Variants in OSBPL10 observed in about 807,000 individuals in gnomAD.
OSBPL10 encodes the protein oxysterol binding protein like 10.
A neutral mutation model predicts 81.7 loss-of-function variants in OSBPL10; 49 were observed. That is an observed-to-expected ratio of 0.60 (90% CI 0.48 to 0.76). The LOEUF (loss-of-function observed/expected upper bound fraction) is 0.76, where lower values mean the gene tolerates loss of function less well. OSBPL10 is among the 30% of genes least tolerant of loss of function. The probability of loss-of-function intolerance (pLI) is 0.00; values close to 1 mark genes in which losing one functional copy is unlikely to be tolerated. For synonymous variants in OSBPL10, 419 were observed against 383.6 expected (o/e 1.09, Z -1.08); for missense variants, 923 against 987.8 (o/e 0.93, Z 0.88).
chr3:31,763,619 G>C (rs1698122329), intron 4 of OSBPL10, among the ~76,000 whole-genome samples: 1 of 152,150 alleles, frequency 6.6e-6, no homozygotes. Context: ...GTAAACACCT[G>C]CCATTCCCTT....
chr3:31,857,880 G>T (rs553386291), intron 3 of OSBPL10, among the ~76,000 whole-genome samples: 14 of 135,826 alleles, frequency 1.0e-4, no homozygotes, highest in South Asian at 8.0e-4. Context: ...GAGGGAAAGG[G>T]GGGGAGAGAG....
chr3:31,792,619 G>A (rs1366534141), intron 4 of OSBPL10, among the ~76,000 whole-genome samples: 1 of 151,664 alleles, frequency 6.6e-6, no homozygotes, highest in Non-Finnish European at 1.5e-5. Context: ...GCTGGGGTGT[G>A]TATGTTTTAC....
chr3:31,917,459 C>T (rs1278617703), intron 1 of OSBPL10, among the ~76,000 whole-genome samples: 1 of 151,954 alleles, frequency 6.6e-6, no homozygotes, highest in African/African-American at 2.4e-5. Flanking sequence ...TGGCTGCAGA[C>T]AAGTGCAACC....
At chr3:31,947,065 C>T (rs1434784243) in intron 1 of OSBPL10, among the ~76,000 whole-genome samples, 6 of 152,106 alleles carry the variant, frequency 3.9e-5, no homozygotes, top group African/African-American at 1.4e-4. Context: ...GCAGCTATGC[C>T]TCAGTGGCTG....
chr3:31,956,484 C>T (rs770181385), intron 1 of OSBPL10, among the ~76,000 whole-genome samples: 21 of 152,220 alleles, frequency 1.4e-4, no homozygotes, highest in African/African-American at 4.3e-4. Context: ...TTTGGGAGGC[C>T]GAGGCAGCTG....
chr3:31,893,098 A>C (rs1454781507), intron 1 of OSBPL10, among the ~76,000 whole-genome samples: 1 of 152,160 alleles, frequency 6.6e-6, no homozygotes, highest in African/African-American at 2.4e-5. Context: ...CCCTCCTAAC[A>C]AGCAGATAGA....
intron 4 of OSBPL10, among the ~76,000 whole-genome samples, chr3:31,767,017 T>C (rs767284937): frequency 5.3e-5 from 8 of 152,150 alleles, no homozygotes; most frequent in Non-Finnish European, 1.2e-4. Flanking sequence ...CAATCCACAG[T>C]CCTCTCTAAG....
intron 1 of OSBPL10, among the ~76,000 whole-genome samples, chr3:31,910,517 T>C (rs1357945854): frequency 6.6e-6 from 1 of 151,890 alleles, no homozygotes; most frequent in African/African-American, 2.4e-5. Flanking sequence ...GCGCCTGTAA[T>C]CCCAGCTACT....
At chr3:31,899,310 A>G (rs993408903) in intron 1 of OSBPL10, among the ~76,000 whole-genome samples, 18 of 152,196 alleles carry the variant, frequency 1.2e-4, no homozygotes, top group African/African-American at 4.3e-4. Context: ...AATATAGTGC[A>G]TAAATTCCAA....
intron 4 of OSBPL10, among the ~76,000 whole-genome samples, chr3:31,777,272 T>C (rs1358814398): frequency 6.6e-6 from 1 of 152,212 alleles, no homozygotes; most frequent in Non-Finnish European, 1.5e-5. Context: ...CTTAACCTTA[T>C]TTTCTAATTT....
chr3:32,038,893 G>A (rs114528302), intron 2 of OSBPL10, among the ~76,000 whole-genome samples: 280 of 151,974 alleles, frequency 1.8e-3, no homozygotes, highest in South Asian at 5.2e-3. Flanking sequence ...TAAAATAAAC[G>A]GACAAAATAC....
At chr3:31,989,587 C>T in intron 2 of OSBPL10, 1 of 1,614,208 alleles carries the variant, frequency 6.2e-7, no homozygotes, top group South Asian at 1.1e-5. Flanking sequence ...CCACATATTT[C>T]AGACCAAAGG....
At chr3:31,804,084 T>G (rs1247922261) in intron 4 of OSBPL10, among the ~76,000 whole-genome samples, 2 of 152,248 alleles carry the variant, frequency 1.3e-5, no homozygotes, top group African/African-American at 4.8e-5. Flanking sequence ...GGTTCTGACC[T>G]GCAACAATCA....
In OSBPL10 at chr3:31,989,210, C is replaced by A. The variant is rs373931545; in HGVS notation, n.298+57281G>T. 9 of 1,614,004 alleles carry A rather than the reference C, an allele frequency of 5.6e-6. No individual in the cohort carries two copies. Among genetic ancestry groups the A allele is most frequent in the Middle Eastern group, 1.6e-4 (1 of 6,084 alleles). On this transcript the variant is annotated intron_variant and non_coding_transcript_variant, in intron 2 of 3. Coordinates refer to the OSBPL10 transcript ENST00000479173. ...GAGGAGTGGAAATGCCTGGACCCTACGCAGAGGGCTTTATACAGGGCCATG... is the reference window on the plus strand; with the variant it reads ...GAGGAGTGGAAATGCCTGGACCCTAAGCAGAGGGCTTTATACAGGGCCATG...
At chr3:31,814,859 G>A (rs1699796019) in intron 4 of OSBPL10, among the ~76,000 whole-genome samples, 1 of 152,164 alleles carries the variant, frequency 6.6e-6, no homozygotes, top group Non-Finnish European at 1.5e-5. Flanking sequence ...CACAAAAGTG[G>A]CTTATTCCAT....
At position 32,061,581 on chromosome 3, in the gene OSBPL10, A is replaced by C. The variant is rs1430530655; in HGVS notation, n.186-14978T>G. 2.2e-5 allele frequency among the ~76,000 whole-genome samples: 2 copies of C among 92,534 alleles called. 1 individual carries two copies. The highest frequency in any genetic ancestry group is 5.6e-5 in the African/African-American group (2 of 36,022). 60.7% of individuals were successfully genotyped at this position (92,534 alleles called of 152,430 possible). Reference sequence around the variant, plus strand: ...GGTCTAGCAACTTCTTTTTTATTTTATTTTTTATTTTTTTGAGAAAAAAGA... The same window carrying C: ...GGTCTAGCAACTTCTTTTTTATTTTCTTTTTTATTTTTTTGAGAAAAAAGA... On this transcript the variant is annotated intron_variant and non_coding_transcript_variant, in intron 1 of 3. Coordinates refer to the OSBPL10 transcript ENST00000479173.
At chr3:31,704,063 G>C (rs1456591993) in intron 6 of OSBPL10, 1 of 152,274 alleles carries the variant, frequency 6.6e-6, no homozygotes, top group Non-Finnish European at 1.5e-5. Context: ...ACAGCCAGTG[G>C]CCCTGGGGGT....
At chr3:31,794,746 C>T (rs1699141735) in intron 4 of OSBPL10, 2 of 298,672 alleles carry the variant, frequency 6.7e-6, no homozygotes, top group Non-Finnish European at 1.4e-5. Flanking sequence ...GAAGGCTCAC[C>T]CCTGTGAAAT....
chr3:31,986,847 T>G (rs577342696), intron 2 of OSBPL10, among the ~76,000 whole-genome samples: 2 of 151,810 alleles, frequency 1.3e-5, no homozygotes, highest in Admixed American at 1.3e-4. Context: ...TCCAAAAAAA[T>G]TTTTAAAATA....
Sources: allele counts gnomAD v4.1 joint callset (sites outside exome capture counted in the v4.1 genomes callset), GRCh38; gene constraint gnomAD v4.1.1; transcripts MANE v1.5; gene names NCBI Gene and HGNC (gene_info 2026-07-23, HGNC 2026-07-21).